Variants in SALL3 observed in about 807,000 individuals in gnomAD.
SALL3 encodes spalt like transcription factor 3.
In SALL3, 25 loss-of-function variants were observed where a neutral mutation model predicts 66.2. The observed-to-expected ratio is 0.38, with a 90% CI of 0.28 to 0.53. The LOEUF (loss-of-function observed/expected upper bound fraction) is 0.53, where lower values mean the gene tolerates loss of function less well. Among genes scored for constraint, SALL3 ranks in the 20% least tolerant of loss-of-function variants. The pLI is 0.85. For missense variants in SALL3, 2,194 were observed against 1,916.5 expected (o/e 1.14, Z -2.70); for synonymous variants, 1,152 against 899.1 (o/e 1.28, Z -5.03).
Position 78,980,325 on chromosome 18 carries a change from G to A in SALL3, c.51G>A (p.Glu17=), listed in dbSNP as rs776972717. The change falls in exon 1 of 3, where the codon GAG becomes GAA. Residue 17 remains glutamate, a synonymous_variant. Coordinates refer to ENST00000537592, the MANE Select transcript of SALL3 (RefSeq NM_171999.4). ...CCCAGCACCTCAAGTCGGACGAGGA[G>A]CTGCTGCCGCCTGACGGGGCTCCCG... is the stretch of plus-strand genomic sequence containing the variant. ...AKPQHLKSDE[E]LLPPDGAPEH... 2 of 1,442,584 alleles carry A rather than the reference G, an allele frequency of 1.4e-6. No homozygotes were observed. Among genetic ancestry groups the A allele is most frequent in the South Asian group, 1.3e-5 (1 of 75,874 alleles). The allele number at this position is 1,442,584 out of a possible 1,614,324, so 89.4% of individuals were successfully genotyped here.
chr18:78,983,260 A>T (rs892811325), intron 1 of SALL3, among the ~76,000 whole-genome samples: 6 of 152,244 alleles, frequency 3.9e-5, no homozygotes, highest in African/African-American at 1.4e-4. Context: ...ACTTTGCGCC[A>T]CTAGTAATCC....
chr18:78,986,013 TACAC>T (rs1424069570), intron 1 of SALL3, among the ~76,000 whole-genome samples: 5 of 152,236 alleles, frequency 3.3e-5, no homozygotes, highest in African/African-American at 9.6e-5. Context: ...TAGATAGTGA[TACAC>T]ACGCGTTCCT....
chr18:78,987,053 T>A (rs2472645), intron 1 of SALL3, among the ~76,000 whole-genome samples: 123,090 of 151,314 alleles, frequency 0.81, 50,409 homozygotes, highest in East Asian at 0.92. Context: ...AACTTATTTT[T>A]AAAAAAAAAA....
At position 78,993,727 on chromosome 18, in the gene SALL3, C is replaced by T. The variant is rs1914564273; in HGVS notation, c.1736C>T (p.Ala579Val). 1 of 1,552,870 alleles carries T rather than the reference C, an allele frequency of 6.4e-7. No homozygotes were observed. Residue 579 changes from alanine (A) to valine (V), a missense_variant, in exon 2 of 3, where the codon GCC (alanine) becomes GTC (valine). By Grantham distance (64) the Ala-to-Val change is moderately conservative. Coordinates refer to ENST00000537592, the MANE Select transcript of SALL3 (RefSeq NM_171999.4). ...AACCACGTGGAGTCCGGCGTGTCGG[C>T]CACCGCCGAGTCCCCACAGTCGCTC... ...GLNHVESGVS[A>V]TAESPQSLLG...
chr18:78,986,836 A>T (rs942835136), intron 1 of SALL3, among the ~76,000 whole-genome samples: 4 of 152,220 alleles, frequency 2.6e-5, no homozygotes, highest in African/African-American at 7.2e-5. Context: ...GATAAAGGAA[A>T]TTACAGAACA....
chr18:78,981,141 C>G (rs1308613464), intron 1 of SALL3, among the ~76,000 whole-genome samples: 1 of 152,242 alleles, frequency 6.6e-6, no homozygotes, highest in Non-Finnish European at 1.5e-5. Context: ...CATCCAAGAG[C>G]AAAGGGCAGG....
rs1233248457 is a variant in SALL3 at position 78,980,308 on chromosome 18, C to T, written c.34C>T (p.Leu12Phe). The change falls in exon 1 of 3, where the codon CTC (leucine) becomes TTC (phenylalanine). Residue 12 changes from leucine to phenylalanine, a missense_variant. Physicochemically the swap from Leu to Phe is conservative, Grantham distance 22. Transcript: ENST00000537592. ...SRRKQAKPQH[L>F]KSDEELLPPD... ...GCGCAAGCAGGCCAAGCCCCAGCACCTCAAGTCGGACGAGGAGCTGCTGCC... is the reference window on the plus strand; with the variant it reads ...GCGCAAGCAGGCCAAGCCCCAGCACTTCAAGTCGGACGAGGAGCTGCTGCC... 1.4e-6 allele frequency: 2 copies of T among 1,436,420 alleles called. No individual in the cohort carries two copies. Among genetic ancestry groups the T allele is most frequent in the Admixed American group, 2.3e-5 (1 of 42,948 alleles). 89.0% of individuals were successfully genotyped at this position (1,436,420 alleles called of 1,614,324 possible).
In SALL3 at chr18:78,993,127, G is replaced by T; in HGVS notation, c.1136G>T (p.Ser379Ile). 6.2e-7 allele frequency: 1 copy of T among 1,605,220 alleles called. No homozygotes were observed. The highest frequency in any genetic ancestry group is 8.5e-7 in the Non-Finnish European group (1 of 1,177,614). The change falls in exon 2 of 3, where the codon AGC (serine) becomes ATC (isoleucine). Residue 379 changes from serine (S) to isoleucine (I), a missense_variant. By Grantham distance (142) the Ser-to-Ile change is moderately radical (BLOSUM62 -2). Coordinates refer to ENST00000537592, the MANE Select transcript of SALL3 (RefSeq NM_171999.4). ...GTCATCTTCCCCAACCCGCTGGTCA[G>T]CATCGCGGCCACGGCCAACGCTCTG... ...SGVIFPNPLVSIAATANALDP... is the reference protein window; with the variant it reads ...SGVIFPNPLVIIAATANALDP...
intron 1 of SALL3, among the ~76,000 whole-genome samples, chr18:78,990,724 A>C (rs1306920346): frequency 6.6e-6 from 1 of 152,224 alleles, no homozygotes; most frequent in Non-Finnish European, 1.5e-5. Flanking sequence ...GCTGATGTGC[A>C]GCTGTCATTG....
At chr18:78,991,354 T>C (rs1045265862) in intron 1 of SALL3, among the ~76,000 whole-genome samples, 1 of 110,942 alleles carries the variant, frequency 9.0e-6, no homozygotes, top group African/African-American at 3.5e-5. Context: ...AATGTAGAAG[T>C]GTACCCTATC....
chr18:78,993,218 C>G lies in SALL3; in HGVS notation c.1227C>G (p.Pro409=), dbSNP rs138434120. The change falls in exon 2 of 3, where the codon CCC becomes CCG. Residue 409 remains proline, a synonymous_variant. Transcript: ENST00000537592. ...GKPPNVSVFE[P]KASAEDPFFK... is the part of the protein sequence containing the mutation. ...CGCCCAATGTGTCGGTGTTCGAGCCCAAAGCCAGCGCCGAGGACCCGTTCT... is the reference window on the plus strand; with the variant it reads ...CGCCCAATGTGTCGGTGTTCGAGCCGAAAGCCAGCGCCGAGGACCCGTTCT... 1.4e-3 allele frequency: 2,210 copies of G among 1,611,378 alleles called. 2 individuals carry two copies. The highest frequency in any genetic ancestry group is 1.7e-3 in the Non-Finnish European group (2,055 of 1,179,712).
intron 1 of SALL3, among the ~76,000 whole-genome samples, chr18:78,986,100 A>G (rs1914237192): frequency 6.6e-6 from 1 of 152,234 alleles, no homozygotes; most frequent in Non-Finnish European, 1.5e-5. Context: ...CAAACGTCTT[A>G]TTATTTGAAG....
At chr18:78,984,667 G>A (rs688375) in intron 1 of SALL3, among the ~76,000 whole-genome samples, 151,292 of 152,310 alleles carry the variant, frequency 0.99, 75,148 homozygotes, top group Middle Eastern at 1. Flanking sequence ...ATGTAATTTC[G>A]ACACATTTAT....
In SALL3 at chr18:78,995,364, GC is replaced by G; in HGVS notation, c.3375del (p.Ser1126AlafsTer60). 6.3e-7 allele frequency: 1 copy of G among 1,579,144 alleles called. No individual in the cohort carries two copies. The highest frequency in any genetic ancestry group is 8.5e-7 in the Non-Finnish European group (1 of 1,170,228). On this transcript the variant is annotated frameshift_variant, in exon 2 of 3. Coordinates refer to ENST00000537592, the MANE Select transcript of SALL3 (RefSeq NM_171999.4). LOFTEE classifies it high-confidence loss of function. ...CQSCGKTFSS[A>X]SALQIHERTH... ...GTCGTGCGGGAAGACCTTCTCCTCGGCCAGCGCCCTGCAGATCCATGAGCGC... is the reference window on the plus strand; with the variant it reads ...GTCGTGCGGGAAGACCTTCTCCTCGGCAGCGCCCTGCAGATCCATGAGCGC...
Position 78,995,210 on chromosome 18 carries a change from G to A in SALL3, c.3219G>A (p.Ala1073=), listed in dbSNP as rs1485247133. 6.2e-6 allele frequency: 10 copies of A among 1,608,304 alleles called. No homozygotes were observed. Among genetic ancestry groups the A allele is most frequent in the Non-Finnish European group, 8.5e-6 (10 of 1,179,902 alleles). The change falls in exon 2 of 3, where the codon GCG becomes GCA. Residue 1073 remains alanine, a synonymous_variant. Transcript: ENST00000537592. ...TGAACGGTCACGGCAAGGCCATGGC[G>A]CTGGGCGAGGGTCCCCCGCTGCCCG... ...MEVNGHGKAM[A]LGEGPPLPAG...
intron 1 of SALL3, among the ~76,000 whole-genome samples, chr18:78,989,293 TA>T (rs892933858): frequency 2.4e-4 from 36 of 152,098 alleles, no homozygotes; most frequent in African/African-American, 7.7e-4. Context: ...TTAACATATT[TA>T]AAAAAAACTA....
chr18:78,987,412 G>A (rs497785), intron 1 of SALL3, among the ~76,000 whole-genome samples: 11,023 of 151,894 alleles, frequency 0.073, 480 homozygotes, highest in African/African-American at 0.12. Context: ...TTTAACTATC[G>A]TCTTTGAAGC....
At position 78,997,027 on chromosome 18, in the gene SALL3, G is replaced by A. The variant is rs766905615; in HGVS notation, c.3608G>A (p.Arg1203Gln). ...ATGTTCCAGAAGGACCTGGCAGCTC[G>A]GGCAATGAACGTCGACCCCAGTTTT... ...SEMFQKDLAA[R>Q]AMNVDPSFWN... is the part of the protein sequence containing the mutation. Residue 1203 changes from arginine to glutamine, a missense_variant, in exon 3 of 3, where the codon CGG becomes CAG. Physicochemically the swap from Arg to Gln is conservative, Grantham distance 43. Transcript: ENST00000537592. 4.9e-5 allele frequency: 79 copies of A among 1,614,080 alleles called. 1 individual carries two copies. Among genetic ancestry groups the A allele is most frequent in the Middle Eastern group, 3.3e-4 (2 of 6,084 alleles).
At chr18:78,991,993 A>G (rs1914447890) in intron 1 of SALL3, 81 bp from the exon 2 acceptor site, 1 of 1,188,322 alleles carries the variant, frequency 8.4e-7, no homozygotes, top group Admixed American at 3.6e-5. Context: ...CAAAATAAAA[A>G]ATATTGATTT....
Sources: gnomAD v4.1 joint callset for allele counts (sites outside exome capture counted in the v4.1 genomes callset) on GRCh38, gnomAD v4.1.1 for gene constraint, MANE v1.5 for transcripts, NCBI Gene and HGNC (gene_info 2026-07-23, HGNC 2026-07-21) for gene names.